Variants in CCDC180 observed in about 807,000 individuals in gnomAD.
The protein encoded by CCDC180 is coiled-coil domain-containing protein 180.
In CCDC180, 154 loss-of-function variants were observed where a neutral mutation model predicts 209.2. That is an observed-to-expected ratio of 0.74 (90% CI 0.65 to 0.84). CCDC180 has a LOEUF of 0.84. Among genes scored for constraint, CCDC180 ranks in the 40% least tolerant of loss-of-function variants. CCDC180 has a pLI of 0.00. For synonymous variants in CCDC180, 778 were observed against 749.1 expected, an observed-to-expected ratio of 1.04 and a Z score of -0.63; for missense variants, 1,874 against 1,997.3, an observed-to-expected ratio of 0.94 and a Z score of 1.18.
chr9:97,314,735 C>T lies in CCDC180; in HGVS notation c.699+7C>T, dbSNP rs766688793. 4.0e-5 allele frequency: 64 copies of T among 1,612,170 alleles called. 1 individual carries two copies. In the Admixed American group the frequency reaches 9.7e-4, roughly 24 times the overall value. ...GTTCTCCCGAACCGATAAAGTAAGT[C>T]GGCTGCAGGTGGGCTGTGTGGTGAC... On this transcript the variant is annotated splice_region_variant and intron_variant, in intron 7 of 36. Coordinates refer to ENST00000529487, the MANE Select transcript of CCDC180 (RefSeq NM_020893.6).
chr9:97,363,805 G>T, intron 28 of CCDC180: 1 of 567,580 alleles, frequency 1.8e-6, no homozygotes, highest in South Asian at 2.1e-5. Flanking sequence ...TCCACCCCTT[G>T]CCCTCTCACA....
intron 3 of CCDC180, among the ~76,000 whole-genome samples, chr9:97,311,285 G>A (rs149884724): frequency 3.2e-4 from 49 of 152,302 alleles, no homozygotes; most frequent in African/African-American, 1.1e-3. Context: ...CATTTAGAAT[G>A]ACAAGGTCTG....
In CCDC180 at chr9:97,315,063, C is replaced by A. The variant is rs546647317; in HGVS notation, c.795+117C>A. ...GGAATGGTGGGCTTCTCATCTATAA[C>A]GTTTCTAAGGGGCTCAGGTGGGCCT... On this transcript the variant is annotated intron_variant, in intron 8 of 36. Transcript: ENST00000529487. The A allele has an allele frequency of 8.2e-6, 6 of 731,674 alleles. No homozygotes were observed. In the Admixed American group the frequency reaches 1.2e-4, roughly 15 times the overall value. 45.3% of individuals were successfully genotyped at this position (731,674 alleles called of 1,614,324 possible).
Position 97,361,835 on chromosome 9 carries a change from T to C in CCDC180, c.3593T>C (p.Leu1198Pro), listed in dbSNP as rs762091616. 9 of 1,614,162 alleles carry C rather than the reference T, an allele frequency of 5.6e-6. No individual in the cohort carries two copies. The highest frequency in any genetic ancestry group is 1.6e-4 in the Middle Eastern group (1 of 6,062). ...DVVTPESFTQ[L>P]SRVGKPLIED... is the part of the protein sequence containing the mutation. Reference sequence around the variant, plus strand: ...GTCACCCCTGAGTCCTTCACCCAGCTGAGCCGCGTGGGGAAGCCCCTGATT... The same window carrying C: ...GTCACCCCTGAGTCCTTCACCCAGCCGAGCCGCGTGGGGAAGCCCCTGATT... The change falls in exon 27 of 37, where the codon CTG (leucine) becomes CCG (proline). Residue 1198 changes from leucine (L) to proline (P), a missense_variant. Transcript: ENST00000529487.
At chr9:97,374,858 C>T (rs1211592253) in intron 35 of CCDC180, among the ~76,000 whole-genome samples, 6 of 152,184 alleles carry the variant, frequency 3.9e-5, no homozygotes, top group Non-Finnish European at 7.3e-5. Context: ...CCTGGGGTGC[C>T]CCAGCACATA....
At position 97,362,348 on chromosome 9, in the gene CCDC180, C is replaced by T; in HGVS notation, c.3809C>T (p.Pro1270Leu). The T allele has an allele frequency of 6.2e-7, 1 of 1,614,064 alleles. No individual in the cohort carries two copies. Among genetic ancestry groups the T allele is most frequent in the Non-Finnish European group, 8.5e-7 (1 of 1,180,008 alleles). ...SPPVLCSCPG[P>L]SSPKGFKRHR... Reference sequence around the variant, plus strand: ...CCTGTCCTCTGCTCCTGTCCTGGGCCCTCGTCACCCAAAGGCTTCAAGCGA... The same window carrying T: ...CCTGTCCTCTGCTCCTGTCCTGGGCTCTCGTCACCCAAAGGCTTCAAGCGA... Residue 1270 changes from proline (P) to leucine (L), a missense_variant, in exon 28 of 37, where the codon CCC becomes CTC. Transcript: ENST00000529487.
chr9:97,320,285 A>G, intron 11 of CCDC180, 80 bp downstream of exon 11: 1 of 1,294,360 alleles, frequency 7.7e-7, no homozygotes, highest in Non-Finnish European at 1.1e-6. Flanking sequence ...CAGCCAAATG[A>G]GTGGCGCCGC....
chr9:97,362,924 CAGA>C (rs1304843132), intron 28 of CCDC180, among the ~76,000 whole-genome samples: 1 of 152,190 alleles, frequency 6.6e-6, no homozygotes, highest in East Asian at 1.9e-4. Flanking sequence ...CCTTTCCCTC[CAGA>C]AGGTCTTTTT....
chr9:97,369,893 C>T, intron 31 of CCDC180, 29 bp from the exon 32 acceptor site: 2 of 1,613,338 alleles, frequency 1.2e-6, no homozygotes, highest in Non-Finnish European at 1.7e-6. Flanking sequence ...CTGTTCCCTC[C>T]CTTGGCCTCT....
At chr9:97,349,932 C>G (rs1318878319) in intron 21 of CCDC180, among the ~76,000 whole-genome samples, 1 of 152,082 alleles carries the variant, frequency 6.6e-6, no homozygotes, top group African/African-American at 2.4e-5. Flanking sequence ...TCAGACACAG[C>G]CCATTGGAGC....
At chr9:97,363,028 G>T (rs1474321448) in intron 28 of CCDC180, among the ~76,000 whole-genome samples, 3 of 152,232 alleles carry the variant, frequency 2.0e-5, no homozygotes, top group Non-Finnish European at 4.4e-5. Context: ...ACCACAGCAG[G>T]GAGTCAGTCA....
intron 8 of CCDC180, among the ~76,000 whole-genome samples, chr9:97,315,744 C>A (rs771173983): frequency 6.6e-6 from 1 of 152,134 alleles, no homozygotes; most frequent in Non-Finnish European, 1.5e-5. Context: ...AGCTCCATGG[C>A]GACCCAGATA....
chr9:97,340,057 G>A (rs11496556), intron 18 of CCDC180, among the ~76,000 whole-genome samples: 17 of 152,066 alleles, frequency 1.1e-4, no homozygotes, highest in African/African-American at 3.6e-4. Context: ...TTAGCCATTC[G>A]TCTAATCTTT....
chr9:97,323,903 C>T lies in CCDC180; in HGVS notation c.1371C>T (p.Asp457=), dbSNP rs1035189158. 9.7e-6 allele frequency: 15 copies of T among 1,553,320 alleles called. No individual in the cohort carries two copies. The highest frequency in any genetic ancestry group is 1.2e-5 in the Non-Finnish European group (14 of 1,148,148). Residue 457 remains aspartate, a splice_region_variant and synonymous_variant, in exon 13 of 37, where the codon GAC becomes GAT. Coordinates refer to ENST00000529487, the MANE Select transcript of CCDC180 (RefSeq NM_020893.6). ...TGGAGGAGGACCTGGAGCTCTTGGA[C>T]GTGCGTGCTGGGGACTGTTCCACTG... ...GKVEEDLELL[D]KSFETLADQT... is the part of the protein sequence containing the mutation.
At position 97,326,661 on chromosome 9, in the gene CCDC180, G is replaced by C; in HGVS notation, c.1653G>C (p.Met551Ile). 6.2e-7 allele frequency: 1 copy of C among 1,605,004 alleles called. No individual in the cohort carries two copies. Residue 551 changes from methionine to isoleucine, a missense_variant, in exon 15 of 37, where the codon ATG becomes ATC. Physicochemically the swap from Met to Ile is conservative, Grantham distance 10. Transcript: ENST00000529487. ...AGGTCAAAGATTATCTGAAGAACAT[G>C]AAATCCAGGTAGGCCAACCAGACTC... ...LEKVKDYLKN[M>I]KSRYECFHTL...
Position 97,377,459 on chromosome 9 carries a change from C to G in CCDC180, c.*565C>G, listed in dbSNP as rs1827289256. 1 of 152,338 alleles carries G rather than the reference C, an allele frequency of 6.6e-6. No homozygotes were observed. The highest frequency in any genetic ancestry group is 1.5e-5 in the Non-Finnish European group (1 of 68,192). 9.4% of individuals were successfully genotyped at this position (152,338 alleles called of 1,614,324 possible). ...CATTCTCTTGGAGTCCTCCAGCCTGCCAGTCTCTTGTTCGTCAACTCTCTT... is the reference window on the plus strand; with the variant it reads ...CATTCTCTTGGAGTCCTCCAGCCTGGCAGTCTCTTGTTCGTCAACTCTCTT... On this transcript the variant is annotated 3_prime_UTR_variant, in exon 37 of 37. Transcript: ENST00000529487.
chr9:97,317,011 C>T, intron 8 of CCDC180, 54 bp from the exon 9 acceptor site: 1 of 1,527,318 alleles, frequency 6.5e-7, no homozygotes, highest in Non-Finnish European at 8.9e-7. Flanking sequence ...GAGCCTTGCC[C>T]TGACCCGAGA....
intron 18 of CCDC180, among the ~76,000 whole-genome samples, chr9:97,334,198 G>A (rs1038037990): frequency 4.6e-5 from 7 of 152,040 alleles, no homozygotes; most frequent in African/African-American, 1.7e-4. Flanking sequence ...CTAGAGATAA[G>A]GGACTCCACA....
chr9:97,374,052 T>A (rs1464340808), intron 34 of CCDC180: 1 of 158,394 alleles, frequency 6.3e-6, no homozygotes, highest in Non-Finnish European at 1.4e-5. Context: ...GGAGTGTACA[T>A]GTTACCTGCT....
Sources: allele counts gnomAD v4.1 joint callset (sites outside exome capture counted in the v4.1 genomes callset), GRCh38; gene constraint gnomAD v4.1.1; transcripts MANE v1.5; gene names NCBI Gene and HGNC (gene_info 2026-07-23, HGNC 2026-07-21).